WDR41: variants seen among roughly 807,000 people sequenced by gnomAD.
WDR41 encodes WD repeat domain 41.
Under a neutral mutation model 69.3 loss-of-function variants are expected in WDR41, and 63 were observed. That is an observed-to-expected ratio of 0.91 (90% CI 0.74 to 1.12). The LOEUF is 1.12. Among genes scored for constraint, WDR41 ranks in the 50% most tolerant of loss-of-function variants. The probability of loss-of-function intolerance (pLI) is 0.00; values close to 1 mark genes in which losing one functional copy is unlikely to be tolerated. For missense variants in WDR41, 543 were observed against 534.5 expected (o/e 1.02, Z -0.16); for synonymous variants, 185 against 192.1 (o/e 0.96, Z 0.31).
At chr5:77,440,553 T>C (rs906835096) in intron 9 of WDR41, among the ~76,000 whole-genome samples, 9 of 152,224 alleles carry the variant, frequency 5.9e-5, no homozygotes, top group Non-Finnish European at 1.2e-4. Flanking sequence ...TCAAATCCAA[T>C]GGGATTATTT....
rs568951271 is a variant in WDR41, at chr5:77,581,347, G to T, written c.42+39132C>A. 5.9e-5 allele frequency among the ~76,000 whole-genome samples: 9 copies of T among 152,246 alleles called. No individual in the cohort carries two copies. In the East Asian group the frequency reaches 1.7e-3, roughly 29 times the overall value. The stretch of plus-strand genomic sequence containing the variant: ...TATGCTTCTGAAATGGAGCACCAAG[G>T]TGCATAAAGCAAAAACTGACAGAAA... On this transcript the variant is annotated intron_variant, in intron 1 of 5. Coordinates refer to the WDR41 transcript ENST00000509971.
intron 1 of WDR41, among the ~76,000 whole-genome samples, chr5:77,553,419 T>C (rs1743334064): frequency 6.6e-6 from 1 of 152,130 alleles, no homozygotes; most frequent in Non-Finnish European, 1.5e-5. Flanking sequence ...AATTCATTCA[T>C]GAGAGCAGAA....
chr5:77,589,980 T>G (rs892931907), intron 1 of WDR41, among the ~76,000 whole-genome samples: 1 of 152,180 alleles, frequency 6.6e-6, no homozygotes, highest in Non-Finnish European at 1.5e-5. Flanking sequence ...ATATGAGTTT[T>G]GGGTTATAGC....
chr5:77,459,297 C>T (rs1339612625), intron 4 of WDR41, among the ~76,000 whole-genome samples, 173 bp from the exon 5 acceptor site: 1 of 152,054 alleles, frequency 6.6e-6, no homozygotes, highest in Admixed American at 6.5e-5. Flanking sequence ...GAGTCATCAA[C>T]TTAGCAAAGC....
At chr5:77,517,148 A>G (rs909405110) in intron 1 of WDR41, among the ~76,000 whole-genome samples, 2 of 152,202 alleles carry the variant, frequency 1.3e-5, no homozygotes, top group African/African-American at 2.4e-5. Context: ...GCTGCAAGGC[A>G]AACTAGGGAA....
intron 1 of WDR41, chr5:77,491,352 C>T (rs1801776896): frequency 6.0e-6 from 1 of 166,138 alleles, no homozygotes; most frequent in Non-Finnish European, 1.3e-5. Context: ...CCTTCGCTGA[C>T]TCTCTTTTCG....
intron 8 of WDR41, among the ~76,000 whole-genome samples, chr5:77,442,275 C>G (rs760328112): frequency 2.0e-5 from 3 of 152,082 alleles, no homozygotes; most frequent in Non-Finnish European, 2.9e-5. Context: ...CTGAAGATAA[C>G]TACACATCGA....
At chr5:77,468,470 T>C (rs1048759831) in intron 2 of WDR41, among the ~76,000 whole-genome samples, 9 of 152,200 alleles carry the variant, frequency 5.9e-5, no homozygotes, top group African/African-American at 2.2e-4. Context: ...CTTCCAACAG[T>C]GGGCTGAAAA....
At position 77,492,147 on chromosome 5, in the gene WDR41, G is replaced by A. The variant is rs550571873; in HGVS notation, c.51+23C>T. ...CCCTCCAGCAAGCTCGACGGACGCA[G>A]AGCAGACCCACCCGGGGTTTACCTC... On this transcript the variant is annotated intron_variant, in intron 1 of 12. Coordinates refer to ENST00000296679, the MANE Select transcript of WDR41 (RefSeq NM_018268.4). The A allele has an allele frequency of 2.5e-6, 4 of 1,610,578 alleles. No individual in the cohort carries two copies. The African/African-American group carries it at 4.0e-5, about 16-fold the overall frequency.
Position 77,459,116 on chromosome 5 carries a change from A to G in WDR41, c.357T>C (p.Asp119=). 6.3e-7 allele frequency: 1 copy of G among 1,595,330 alleles called. No homozygotes were observed. Among genetic ancestry groups the G allele is most frequent in the Non-Finnish European group, 8.6e-7 (1 of 1,167,156 alleles). ...TCTGAACTTGTCTGGTAGTATCACC[A>G]TCCCACACCTAAATTTATGTTAAGA... The part of the protein sequence containing the change: ...ASADRTVIVW[D]GDTTRQVQRI... The change falls in exon 5 of 13, where the codon GAT becomes GAC. Residue 119 remains aspartate, a synonymous_variant. Transcript: ENST00000296679.
chr5:77,590,147 T>G (rs1421463048), intron 1 of WDR41, among the ~76,000 whole-genome samples: 1 of 152,254 alleles, frequency 6.6e-6, no homozygotes, highest in Non-Finnish European at 1.5e-5. Flanking sequence ...TGTTAAATGT[T>G]AAACTAATCT....
At position 77,437,386 on chromosome 5, in the gene WDR41, A is replaced by G. The variant is rs1798981872; in HGVS notation, c.1043T>C (p.Ile348Thr). Residue 348 changes from isoleucine (I) to threonine (T), a missense_variant, in exon 11 of 13, where the codon ATT (isoleucine) becomes ACT (threonine). Transcript: ENST00000296679. ...CTGCTGTTTTTCTCTTAACTCCCAA[A>G]TGCGTACACTGCCATCTTCTGAGCA... Reference protein sequence around the residue: ...ISCSEDGSVRIWELREKQQLA... With the variant: ...ISCSEDGSVRTWELREKQQLA... 1 of 1,613,994 alleles carries G rather than the reference A, an allele frequency of 6.2e-7. No homozygotes were observed. Among genetic ancestry groups the G allele is most frequent in the African/African-American group, 1.3e-5 (1 of 75,062 alleles).
At chr5:77,535,800 A>T (rs886079726) in intron 1 of WDR41, among the ~76,000 whole-genome samples, 2 of 152,240 alleles carry the variant, frequency 1.3e-5, no homozygotes, top group African/African-American at 2.4e-5. Context: ...TTATAAGCTC[A>T]ACAGCAGAAG....
At chr5:77,451,439 G>C (rs1014841286) in intron 6 of WDR41, 86 bp from the exon 7 acceptor site, 2 of 1,265,072 alleles carry the variant, frequency 1.6e-6, no homozygotes, top group South Asian at 1.3e-5. Context: ...TATGTCAGTC[G>C]TTTTCCATAA....
intron 8 of WDR41, among the ~76,000 whole-genome samples, chr5:77,444,211 T>G (rs1799287347): frequency 6.6e-6 from 1 of 152,162 alleles, no homozygotes. Flanking sequence ...AGTTTACACA[T>G]GGCAAACTAA....
At chr5:77,453,704 G>T in intron 6 of WDR41, 113 bp downstream of exon 6, 1 of 784,182 alleles carries the variant, frequency 1.3e-6, no homozygotes. Context: ...CTTCAGAACT[G>T]AAAAAGAAAA....
intron 1 of WDR41, among the ~76,000 whole-genome samples, chr5:77,505,473 G>A (rs11959509): frequency 0.064 from 9,727 of 152,018 alleles, 644 homozygotes; most frequent in East Asian, 0.26. Context: ...TATAGATTCA[G>A]TGCCATCCCC....
chr5:77,499,437 A>C (rs1191069281), intron 1 of WDR41: 1 of 152,052 alleles, frequency 6.6e-6, no homozygotes, highest in Non-Finnish European at 1.5e-5. Context: ...TATGCCTCAG[A>C]CTCCAAAATA....
rs1165250957 is a variant in WDR41 at position 77,479,566 on chromosome 5, A to G, written c.167+9891T>C. On this transcript the variant is annotated intron_variant, in intron 2 of 12. Transcript: ENST00000296679. Reference sequence around the variant, plus strand: ...TTGACAAACCTGACAAAAACAAGAAATGGGGAAACGATTCCCTATTTAATA... The same window carrying G: ...TTGACAAACCTGACAAAAACAAGAAGTGGGGAAACGATTCCCTATTTAATA... Among the ~76,000 whole-genome samples, 11 of 152,330 alleles carry G rather than the reference A, an allele frequency of 7.2e-5. 1 individual carries two copies. The East Asian group carries it at 1.9e-3, about 27-fold the overall frequency.
Sources: allele counts gnomAD v4.1 joint callset (sites outside exome capture counted in the v4.1 genomes callset), GRCh38; gene constraint gnomAD v4.1.1; transcripts MANE v1.5; gene names NCBI Gene and HGNC (gene_info 2026-07-23, HGNC 2026-07-21).